WDR26: variants seen among roughly 807,000 people sequenced by gnomAD.
WDR26 encodes the protein WD repeat-containing protein 26.
In WDR26, 5 loss-of-function variants were observed where a neutral mutation model predicts 84.1. The observed-to-expected ratio is 0.06, with a 90% CI of 0.03 to 0.13. The LOEUF (loss-of-function observed/expected upper bound fraction) is 0.13, where lower values mean the gene tolerates loss of function less well. Among genes scored for constraint, WDR26 ranks in the 10% least tolerant of loss-of-function variants. The pLI, the probability that WDR26 is intolerant of heterozygous loss-of-function variation, is 1.00. For synonymous variants in WDR26, 415 were observed against 389.6 expected (o/e 1.07, Z -0.77); for missense variants, 642 against 974.9 (o/e 0.66, Z 4.55).
chr1:224,415,693 C>T (rs985838699), intron 6 of WDR26, among the ~76,000 whole-genome samples: 1 of 152,234 alleles, frequency 6.6e-6, no homozygotes, highest in East Asian at 1.9e-4. Context: ...GATCTCCCGA[C>T]CTCGTGATCC....
At chr1:224,398,020 A>G in intron 12 of WDR26, 77 bp downstream of exon 12, 1 of 1,546,204 alleles carries the variant, frequency 6.5e-7, no homozygotes, top group Non-Finnish European at 8.7e-7. Flanking sequence ...ATTTTCTTGG[A>G]GACATGACTG....
rs769063024 is a variant in WDR26, at chr1:224,427,103, C to CAAAAAAAAAAAAAAAAAA, written c.928-2450_928-2449insTTTTTTTTTTTTTTTTTT. Among the ~76,000 whole-genome samples the CAAAAAAAAAAAAAAAAAA allele has an allele frequency of 4.4e-5, 4 of 91,170 alleles. 1 individual carries two copies. Among genetic ancestry groups the CAAAAAAAAAAAAAAAAAA allele is most frequent in the African/African-American group, 1.7e-4 (4 of 23,150 alleles). The allele number at this position is 91,170 out of a possible 152,430, so 59.8% of individuals were successfully genotyped here. A position where few individuals can be genotyped will look rare whatever the true frequency, so the allele number is the denominator to read the frequency against. ...GGGCAACGAGAGCAAAACTCTGTCT[C>CAAAAAAAAAAAAAAAAAA]CAAAAAAAAAAAAAAAAAAAAAAAG... On this transcript the variant is annotated intron_variant, in intron 3 of 13. Transcript: ENST00000414423.
chr1:224,398,646 C>T, intron 10 of WDR26, 53 bp from the exon 11 acceptor site: 1 of 1,474,358 alleles, frequency 6.8e-7, no homozygotes, highest in African/African-American at 1.4e-5. Context: ...TCAAGACATT[C>T]AAATTATCAA....
intron 6 of WDR26, among the ~76,000 whole-genome samples, chr1:224,418,019 T>A (rs1414181187): frequency 1.3e-5 from 2 of 152,202 alleles, no homozygotes; most frequent in Non-Finnish European, 2.9e-5. Flanking sequence ...AGGAAACAAG[T>A]AACCAAACCT....
chr1:224,421,506 C>G (rs1288480315), intron 4 of WDR26, among the ~76,000 whole-genome samples: 1 of 152,128 alleles, frequency 6.6e-6, no homozygotes, highest in African/African-American at 2.4e-5. Context: ...AGGAGAATTG[C>G]TTGAACCCAG....
intron 1 of WDR26, among the ~76,000 whole-genome samples, chr1:224,432,469 T>C (rs760605131): frequency 1.5e-4 from 23 of 152,242 alleles, no homozygotes; most frequent in Non-Finnish European, 2.6e-4. Context: ...TATTTGTCTT[T>C]GAGCACTTAA....
In WDR26 at chr1:224,434,674, G is replaced by T. The variant is rs1348737808; in HGVS notation, c.-269C>A. On this transcript the variant is annotated 5_prime_UTR_variant, in exon 1 of 14. Coordinates refer to ENST00000414423, the MANE Select transcript of WDR26 (RefSeq NM_001379403.1). ...GGCGCGGGGCCCGCCGCTGGGCTGA[G>T]CCCCGGCAGTGGCTGCGGCGGCGGC... 1 of 856,124 alleles carries T rather than the reference G, an allele frequency of 1.2e-6. No individual in the cohort carries two copies. The highest frequency in any genetic ancestry group is 5.1e-5 in the South Asian group (1 of 19,550). 53.0% of individuals were successfully genotyped at this position (856,124 alleles called of 1,614,324 possible).
At chr1:224,392,059 GC>G (rs956770883) in intron 13 of WDR26, among the ~76,000 whole-genome samples, 1 of 152,110 alleles carries the variant, frequency 6.6e-6, no homozygotes, top group African/African-American at 2.4e-5. Context: ...TGCTATGGAG[GC>G]ATAAAATATA....
At chr1:224,398,402 T>A in intron 11 of WDR26, 113 bp downstream of exon 11, 13 of 1,236,828 alleles carry the variant, frequency 1.1e-5, no homozygotes, top group Non-Finnish European at 1.4e-5. Context: ...TCACATGCAA[T>A]CAAATTTAAG....
In WDR26 at chr1:224,431,565, T is replaced by C. The variant is rs762291346; in HGVS notation, c.839A>G (p.Asn280Ser). The C allele has an allele frequency of 6.2e-7, 1 of 1,613,804 alleles. No individual in the cohort carries two copies. The highest frequency in any genetic ancestry group is 1.1e-5 in the South Asian group (1 of 91,032). Residue 280 changes from asparagine to serine, a missense_variant, in exon 3 of 14, where the codon AAT (asparagine) becomes AGT (serine). Physicochemically the swap from Asn to Ser is conservative, Grantham distance 46. Coordinates refer to ENST00000414423, the MANE Select transcript of WDR26 (RefSeq NM_001379403.1). ...AGAATGCACTAAAGGCTTTAGTTCA[T>C]TCAGGTCATTTTCTGCCTGTAAAAA...
intron 12 of WDR26, among the ~76,000 whole-genome samples, chr1:224,396,969 GTC>G (rs1406094669): frequency 6.6e-6 from 1 of 152,138 alleles, no homozygotes; most frequent in African/African-American, 2.4e-5. Context: ...ATCTCTAAAT[GTC>G]TCTCTTTGTC....
At chr1:224,407,151 A>AAAATATAT in intron 7 of WDR26, among the ~76,000 whole-genome samples, 3 of 11,876 alleles carry the variant, frequency 2.5e-4, no homozygotes, top group African/African-American at 3.9e-4. Context: ...AAAAAAAAAA[A>AAAATATAT]ATATATATAT....
intron 6 of WDR26, among the ~76,000 whole-genome samples, chr1:224,414,116 T>G (rs1673821790): frequency 1.4e-5 from 2 of 143,762 alleles, no homozygotes; most frequent in Admixed American, 6.9e-5. Context: ...CCGGCCTGTT[T>G]TTTTTTTTGA....
Position 224,425,795 on chromosome 1 carries a change from G to A in WDR26, c.928-1141C>T, listed in dbSNP as rs571354746. Among the ~76,000 whole-genome samples the A allele has an allele frequency of 1.1e-4, 16 of 152,102 alleles. No homozygotes were observed. The East Asian group carries it at 2.7e-3, about 26-fold the overall frequency. ...ATTTAGAGACTCCAAGGAATACAGC[G>A]GTAAAGATCTCAAGTCCACTTAAAA... On this transcript the variant is annotated intron_variant, in intron 3 of 13. Coordinates refer to ENST00000414423, the MANE Select transcript of WDR26 (RefSeq NM_001379403.1).
intron 12 of WDR26, among the ~76,000 whole-genome samples, chr1:224,397,195 T>C (rs1673290689): frequency 6.6e-6 from 1 of 152,228 alleles, no homozygotes; most frequent in Non-Finnish European, 1.5e-5. Flanking sequence ...CTAGCCATGT[T>C]GCCCAGGTTG....
intron 4 of WDR26, among the ~76,000 whole-genome samples, chr1:224,421,453 G>A (rs769688681): frequency 1.3e-5 from 2 of 152,138 alleles, no homozygotes; most frequent in Non-Finnish European, 2.9e-5. Flanking sequence ...AACTGGGCGT[G>A]GTGGTGCATG....
rs1307709126 is a variant in WDR26, at chr1:224,385,614, T to TA, written c.*4220_*4221insT. The stretch of plus-strand genomic sequence containing the variant: ...GTAAATCTTGACAATTTAGAAATCT[T>TA]GAGATCAACACTTAAGTTCTTTTCT... On this transcript the variant is annotated 3_prime_UTR_variant, in exon 14 of 14. Coordinates refer to ENST00000414423, the MANE Select transcript of WDR26 (RefSeq NM_001379403.1). 4.6e-5 allele frequency: 7 copies of TA among 151,612 alleles called. No homozygotes were observed. The highest frequency in any genetic ancestry group is 1.0e-4 in the Non-Finnish European group (7 of 67,690). The allele number at this position is 151,612 out of a possible 1,614,324, so 9.4% of individuals were successfully genotyped here. A position where few individuals can be genotyped will look rare whatever the true frequency, so the allele number is the denominator to read the frequency against.
rs1214514177 is a variant in WDR26, at chr1:224,386,626, GTTTT to G, written c.*3205_*3208del. The G allele has an allele frequency of 6.6e-6, 1 of 152,336 alleles. No individual in the cohort carries two copies. The highest frequency in any genetic ancestry group is 2.4e-5 in the African/African-American group (1 of 41,374). 9.4% of individuals were successfully genotyped at this position (152,336 alleles called of 1,614,324 possible). ...TAACATTCACCAGATTACTACTGCT[GTTTT>G]TTTCAGACTAAGAAAATACTGACAA... On this transcript the variant is annotated 3_prime_UTR_variant, in exon 14 of 14. Coordinates refer to ENST00000414423, the MANE Select transcript of WDR26 (RefSeq NM_001379403.1).
chr1:224,433,802 A>AGGC lies in WDR26; in HGVS notation c.601_603dup (p.Ala201dup), dbSNP rs879308303. The AGGC allele has an allele frequency of 7.2e-6, 11 of 1,536,892 alleles. No homozygotes were observed. The highest frequency in any genetic ancestry group is 9.6e-6 in the Non-Finnish European group (11 of 1,146,782). ...AGTTCTGGGGTGGCCAAGGAAGAGGAGGCGGCGGTGGTGGCGGAGGCAGCT... is the reference window on the plus strand; with the variant it reads ...AGTTCTGGGGTGGCCAAGGAAGAGGAGGCGGCGGCGGTGGTGGCGGAGGCAGCT... On this transcript the variant is annotated inframe_insertion, in exon 1 of 14. Transcript: ENST00000414423.
Sources: allele counts gnomAD v4.1 joint callset (sites outside exome capture counted in the v4.1 genomes callset), GRCh38; gene constraint gnomAD v4.1.1; transcripts MANE v1.5; gene names NCBI Gene and HGNC (gene_info 2026-07-23, HGNC 2026-07-21).